The following GRID2 variants were observed in gnomAD, a reference collection of about 807,000 sequenced individuals.
GRID2 encodes glutamate receptor ionotropic, delta-2.
A neutral mutation model predicts 114.8 loss-of-function variants in GRID2; 33 were observed. The observed-to-expected ratio is 0.29, with a 90% confidence interval of 0.22 to 0.38. GRID2 has a LOEUF of 0.38. Among genes scored for constraint, GRID2 ranks in the 10% least tolerant of loss-of-function variants. The probability of loss-of-function intolerance (pLI) is 1.00; values close to 1 mark genes in which losing one functional copy is unlikely to be tolerated. For missense variants in GRID2, 1,184 were observed against 1,257.7 expected (o/e 0.94, Z 0.89); for synonymous variants, 505 against 449.9 (o/e 1.12, Z -1.55).
chr4:93,227,299 C>T (rs893127193), intron 7 of GRID2, among the ~76,000 whole-genome samples: 7 of 152,076 alleles, frequency 4.6e-5, no homozygotes, highest in Admixed American at 2.6e-4. Context: ...GCAATCTCAG[C>T]TCACTACAGC....
rs188016842 is a variant in GRID2 at position 93,239,114 on chromosome 4, T to G, written c.1245+624T>G. 7.2e-4 allele frequency among the ~76,000 whole-genome samples: 106 copies of G among 148,094 alleles called. 1 individual carries two copies. The highest frequency in any genetic ancestry group is 2.6e-3 in the African/African-American group (105 of 40,872). On this transcript the variant is annotated intron_variant, in intron 8 of 15. Coordinates refer to ENST00000282020, the MANE Select transcript of GRID2 (RefSeq NM_001510.4). ...GTTTCTATAATTCGGATTTGCTATATATAAATTTTTGATATATATATCAAA... is the reference window on the plus strand; with the variant it reads ...GTTTCTATAATTCGGATTTGCTATAGATAAATTTTTGATATATATATCAAA...
At chr4:93,091,362 A>G (rs1338075996) in intron 3 of GRID2, among the ~76,000 whole-genome samples, 1 of 152,120 alleles carries the variant, frequency 6.6e-6, no homozygotes, top group African/African-American at 2.4e-5. Flanking sequence ...ATGGCGATCA[A>G]GTCGTGAATA....
chr4:93,680,338 C>A lies in GRID2; in HGVS notation c.2360+53903C>A, dbSNP rs1304178445. Among the ~76,000 whole-genome samples the A allele has an allele frequency of 7.2e-5, 11 of 152,002 alleles. No homozygotes were observed. The South Asian group carries it at 2.3e-3, about 32-fold the overall frequency. Reference sequence around the variant, plus strand: ...GACCAGATGGATTCACAGCCGAATTCTACCAGAGGTACAAGGAGGAACTGG... The same window carrying A: ...GACCAGATGGATTCACAGCCGAATTATACCAGAGGTACAAGGAGGAACTGG... On this transcript the variant is annotated intron_variant, in intron 14 of 15. Transcript: ENST00000282020.
At chr4:93,435,916 A>T (rs1721036849) in intron 10 of GRID2, among the ~76,000 whole-genome samples, 1 of 152,128 alleles carries the variant, frequency 6.6e-6, no homozygotes, top group Non-Finnish European at 1.5e-5. Context: ...CATATAGATG[A>T]AGTTTAAATT....
At chr4:92,639,276 C>G (rs1731229608) in intron 2 of GRID2, among the ~76,000 whole-genome samples, 1 of 151,634 alleles carries the variant, frequency 6.6e-6, no homozygotes, top group Non-Finnish European at 1.5e-5. Flanking sequence ...CTCTTAATAT[C>G]TTAATTTTTA....
At chr4:93,577,408 G>A (rs975311454) in intron 13 of GRID2, among the ~76,000 whole-genome samples, 45 of 152,024 alleles carry the variant, frequency 3.0e-4, no homozygotes, top group Non-Finnish European at 5.9e-5. Context: ...AAAATAAAAG[G>A]GAAAGTGTAA....
intron 14 of GRID2, among the ~76,000 whole-genome samples, chr4:93,655,962 T>C (rs183040696): frequency 2.0e-5 from 3 of 152,022 alleles, no homozygotes; most frequent in Admixed American, 1.3e-4. Context: ...TAAACAAGTT[T>C]TATATTAAAA....
At chr4:93,175,004 G>A (rs1260020779) in intron 4 of GRID2, among the ~76,000 whole-genome samples, 3 of 152,114 alleles carry the variant, frequency 2.0e-5, no homozygotes. Context: ...ATTGCTGGGT[G>A]ATATGGTAAG....
chr4:93,405,874 G>A (rs1766360443), intron 9 of GRID2, among the ~76,000 whole-genome samples: 1 of 152,054 alleles, frequency 6.6e-6, no homozygotes, highest in South Asian at 2.1e-4. Flanking sequence ...AAAAACTTGA[G>A]AGATGCTACT....
At chr4:93,114,842 G>C (rs1733089496) in intron 4 of GRID2, among the ~76,000 whole-genome samples, 2 of 152,114 alleles carry the variant, frequency 1.3e-5, no homozygotes, top group East Asian at 1.9e-4. Flanking sequence ...GTGTGACCTA[G>C]AGTTTCACTC....
chr4:93,232,762 C>G, intron 7 of GRID2, among the ~76,000 whole-genome samples: 1 of 151,674 alleles, frequency 6.6e-6, no homozygotes. Flanking sequence ...TATGATATCT[C>G]ATAGAGTTAT....
intron 3 of GRID2, among the ~76,000 whole-genome samples, chr4:93,105,988 C>T (rs1045751394): frequency 6.6e-6 from 1 of 152,118 alleles, no homozygotes; most frequent in Non-Finnish European, 1.5e-5. Flanking sequence ...ATTCTGCCTA[C>T]CACAAGTTCC....
chr4:93,660,849 G>T (rs189845766), intron 14 of GRID2, among the ~76,000 whole-genome samples: 4 of 152,088 alleles, frequency 2.6e-5, no homozygotes, highest in Admixed American at 2.6e-4. Context: ...GACAGGCCCA[G>T]ATGGATCCTG....
chr4:93,121,227 G>A (rs971819510), intron 4 of GRID2, among the ~76,000 whole-genome samples: 2 of 152,168 alleles, frequency 1.3e-5, no homozygotes, highest in South Asian at 4.1e-4. Flanking sequence ...TTATAATATA[G>A]TGCATATAAG....
chr4:92,669,158 G>A (rs950644273), intron 2 of GRID2, among the ~76,000 whole-genome samples: 3 of 151,754 alleles, frequency 2.0e-5, no homozygotes, highest in Admixed American at 6.6e-5. Flanking sequence ...AAATTAAAGG[G>A]CAAAAAAATA....
At chr4:92,891,486 G>T (rs1746779116) in intron 2 of GRID2, among the ~76,000 whole-genome samples, 1 of 152,136 alleles carries the variant, frequency 6.6e-6, no homozygotes, top group South Asian at 2.1e-4. Flanking sequence ...TAAGAAGTGT[G>T]AAGTGTTTTG....
intron 4 of GRID2, among the ~76,000 whole-genome samples, chr4:93,186,949 T>C (rs921864313): frequency 1.3e-5 from 2 of 152,174 alleles, no homozygotes; most frequent in Non-Finnish European, 2.9e-5. Context: ...ACCAACAGAT[T>C]GGGTGTCTGG....
chr4:93,605,165 G>C (rs1223717747), intron 13 of GRID2, among the ~76,000 whole-genome samples: 1 of 152,022 alleles, frequency 6.6e-6, no homozygotes, highest in South Asian at 2.1e-4. Flanking sequence ...CTTCAAATTT[G>C]CAATGTCCAA....
In GRID2 at chr4:93,772,768, G is replaced by C. The variant is rs76710025; in HGVS notation, c.*270G>C. On this transcript the variant is annotated 3_prime_UTR_variant, in exon 16 of 16. Transcript: ENST00000282020. ...TAGTGTACTAGGATCCTATTAGTCTGCTTTTCATATACTGTACATCAAGTA... is the reference window on the plus strand; with the variant it reads ...TAGTGTACTAGGATCCTATTAGTCTCCTTTTCATATACTGTACATCAAGTA... The C allele has an allele frequency of 0.064, 26,339 of 413,104 alleles. 1,021 individuals carry two copies. The highest frequency in any genetic ancestry group is 0.1 in the Middle Eastern group (161 of 1,576). 25.6% of individuals were successfully genotyped at this position (413,104 alleles called of 1,614,324 possible). A position where few individuals can be genotyped will look rare whatever the true frequency, so the allele number is the denominator to read the frequency against.
Sources: gnomAD v4.1 joint callset for allele counts (sites outside exome capture counted in the v4.1 genomes callset) on GRCh38, gnomAD v4.1.1 for gene constraint, MANE v1.5 for transcripts, NCBI Gene and HGNC (gene_info 2026-07-23, HGNC 2026-07-21) for gene names.